The following NEURL1 variants were observed in gnomAD, a reference collection of about 807,000 sequenced individuals.
NEURL1 encodes the protein E3 ubiquitin-protein ligase NEURL1.
A neutral mutation model predicts 41.2 loss-of-function variants in NEURL1; 26 were observed. The observed-to-expected ratio is 0.63, with a 90% CI of 0.46 to 0.87. The LOEUF (loss-of-function observed/expected upper bound fraction) is 0.87, where lower values mean the gene tolerates loss of function less well. Ranked by LOEUF, NEURL1 falls within the 40% of genes least tolerant of loss-of-function variation. The pLI, the probability that NEURL1 is intolerant of heterozygous loss-of-function variation, is 0.00. For synonymous variants in NEURL1, 400 were observed against 402.3 expected, an observed-to-expected ratio of 0.99 and a Z score of 0.07; for missense variants, 761 against 871.1, an observed-to-expected ratio of 0.87 and a Z score of 1.59.
At chr10:103,536,631 A>G (rs2208322) in intron 1 of NEURL1, among the ~76,000 whole-genome samples, 71,902 of 151,898 alleles carry the variant, frequency 0.47, 18,872 homozygotes, top group African/African-American at 0.71. Context: ...GGGGAGGAGC[A>G]CTAGCGGGTT....
intron 1 of NEURL1, among the ~76,000 whole-genome samples, chr10:103,524,229 G>A (rs978591392): frequency 6.6e-6 from 1 of 152,086 alleles, no homozygotes; most frequent in African/African-American, 2.4e-5. Flanking sequence ...TGTTGGTTTT[G>A]TCTGCATTCT....
chr10:103,509,050 G>A (rs2034010116), intron 1 of NEURL1, among the ~76,000 whole-genome samples: 1 of 152,146 alleles, frequency 6.6e-6, no homozygotes, highest in Non-Finnish European at 1.5e-5. Context: ...CCAACATGGC[G>A]AAAGCCCATC....
intron 1 of NEURL1, among the ~76,000 whole-genome samples, chr10:103,497,542 T>C (rs2033713592): frequency 6.6e-6 from 1 of 152,114 alleles, no homozygotes; most frequent in Admixed American, 6.6e-5. Context: ...CTAAGATTGG[T>C]CTGGCTGTTA....
In NEURL1 at chr10:103,494,346, C is replaced by A. The variant is rs547451737; in HGVS notation, c.-42C>A. On this transcript the variant is annotated 5_prime_UTR_variant, in exon 1 of 6. Coordinates refer to ENST00000369780, the MANE Select transcript of NEURL1 (RefSeq NM_004210.5). ...CCGCACCTCAGCGCCTGCCCGGCCT[C>A]GCCCCCACCCGCGAGCGCCGAACCT... 6 of 1,515,734 alleles carry A rather than the reference C, an allele frequency of 4.0e-6. No individual in the cohort carries two copies. In the African/African-American group the frequency reaches 8.4e-5, roughly 21 times the overall value. The allele number at this position is 1,515,734 out of a possible 1,614,324, so 93.9% of individuals were successfully genotyped here. A position where few individuals can be genotyped will look rare whatever the true frequency, so the allele number is the denominator to read the frequency against.
Position 103,584,906 on chromosome 10 carries a change from C to G in NEURL1, c.1020C>G (p.Val340=). The change falls in exon 4 of 6, where the codon GTC becomes GTG. Residue 340 remains valine (V), a synonymous_variant. Transcript: ENST00000369780. The part of the protein sequence containing the change: ...RPVRVAETIF[V]KVTRSGGARP... Reference sequence around the variant, plus strand: ...TGCGCGTGGCCGAGACCATCTTCGTCAAGGTCACGCGCTCGGGTGGCGCGC... The same window carrying G: ...TGCGCGTGGCCGAGACCATCTTCGTGAAGGTCACGCGCTCGGGTGGCGCGC... The G allele has an allele frequency of 6.8e-7, 1 of 1,468,726 alleles. No individual in the cohort carries two copies. The highest frequency in any genetic ancestry group is 8.9e-7 in the Non-Finnish European group (1 of 1,118,138). 91.0% of individuals were successfully genotyped at this position (1,468,726 alleles called of 1,614,324 possible). A position where few individuals can be genotyped will look rare whatever the true frequency, so the allele number is the denominator to read the frequency against.
At chr10:103,551,885 C>T (rs1220751049) in intron 1 of NEURL1, among the ~76,000 whole-genome samples, 1 of 152,248 alleles carries the variant, frequency 6.6e-6, no homozygotes, top group African/African-American at 2.4e-5. Flanking sequence ...TTCTGTTTCA[C>T]TCAAGTGGCC....
chr10:103,584,625 C>A lies in NEURL1; in HGVS notation c.739C>A (p.Arg247Ser). ...GCTGCGGCGCGAGGCGGACGACGCGCGCCTCTCGGTGAGCCTATGCGACCT... is the reference window on the plus strand; with the variant it reads ...GCTGCGGCGCGAGGCGGACGACGCGAGCCTCTCGGTGAGCCTATGCGACCT... The part of the protein sequence containing the change: ...PSLRREADDA[R>S]LSVSLCDLNV... Residue 247 changes from arginine (R) to serine (S), a missense_variant, in exon 4 of 6, where the codon CGC (arginine) becomes AGC (serine). Coordinates refer to ENST00000369780, the MANE Select transcript of NEURL1 (RefSeq NM_004210.5). 7.0e-7 allele frequency: 1 copy of A among 1,424,314 alleles called. No individual in the cohort carries two copies. Among genetic ancestry groups the A allele is most frequent in the Admixed American group, 3.1e-5 (1 of 32,436 alleles). 88.2% of individuals were successfully genotyped at this position (1,424,314 alleles called of 1,614,324 possible).
At chr10:103,580,227 C>T (rs2035757620) in intron 3 of NEURL1, among the ~76,000 whole-genome samples, 1 of 152,212 alleles carries the variant, frequency 6.6e-6, no homozygotes, top group African/African-American at 2.4e-5. Context: ...GAGCTGAAGA[C>T]TGACAGGTTC....
intron 1 of NEURL1, among the ~76,000 whole-genome samples, chr10:103,533,990 G>C (rs2034639004): frequency 6.6e-6 from 1 of 152,012 alleles, no homozygotes; most frequent in Middle Eastern, 3.2e-3. Flanking sequence ...TACCTTTCAA[G>C]TTCAGAGAAT....
At position 103,592,343 on chromosome 10, in the gene NEURL1, C is replaced by T. The variant is rs559130727; in HGVS notation, c.*1971C>T. Reference sequence around the variant, plus strand: ...GTCACTGTCCCACTATGGGTCTCCACTACCCAGTCACTGACCCTGGGAGAC... The same window carrying T: ...GTCACTGTCCCACTATGGGTCTCCATTACCCAGTCACTGACCCTGGGAGAC... On this transcript the variant is annotated 3_prime_UTR_variant, in exon 6 of 6. Coordinates refer to ENST00000369780, the MANE Select transcript of NEURL1 (RefSeq NM_004210.5). The surrounding 1 kb of genome is among the most constrained non-coding windows in gnomAD (Gnocchi z 4.8). 4 of 152,734 alleles carry T rather than the reference C, an allele frequency of 2.6e-5. No individual in the cohort carries two copies. The highest frequency in any genetic ancestry group is 9.6e-5 in the African/African-American group (4 of 41,538). The allele number at this position is 152,734 out of a possible 1,614,324, so 9.5% of individuals were successfully genotyped here.
chr10:103,581,205 A>C (rs2035777941), intron 3 of NEURL1, among the ~76,000 whole-genome samples: 2 of 152,180 alleles, frequency 1.3e-5, no homozygotes, highest in Non-Finnish European at 2.9e-5. Flanking sequence ...GGCTGGGAGG[A>C]AGGTTGCTTA....
intron 1 of NEURL1, among the ~76,000 whole-genome samples, chr10:103,563,820 AG>A (rs1278567171): frequency 6.6e-6 from 1 of 152,218 alleles, no homozygotes; most frequent in Non-Finnish European, 1.5e-5. Context: ...CAGAGCTGCT[AG>A]GTTTGGAGGC....
intron 1 of NEURL1, among the ~76,000 whole-genome samples, chr10:103,507,278 G>A (rs1385437385): frequency 6.6e-6 from 1 of 152,308 alleles, no homozygotes; most frequent in African/African-American, 2.4e-5. Context: ...TGCTTAGAGT[G>A]TGACGCCTGA....
At position 103,584,825 on chromosome 10, in the gene NEURL1, GGCGCGCGTGGAGCACGGGCGCGACGA is replaced by G. The variant is rs1564833037; in HGVS notation, c.947_972del (p.Val316AlafsTer51). On this transcript the variant is annotated frameshift_variant, in exon 4 of 6. Coordinates refer to ENST00000369780, the MANE Select transcript of NEURL1 (RefSeq NM_004210.5). LOFTEE classifies it high-confidence loss of function. ...TCCGCATCCTCGACGAGCAGACGGT[GGCGCGCGTGGAGCACGGGCGCGACGA>G]GCGCGCGCTCGTCTTCACCAGCCGG... 1 of 1,415,722 alleles carries G rather than the reference GGCGCGCGTGGAGCACGGGCGCGACGA, an allele frequency of 7.1e-7. No homozygotes were observed. The highest frequency in any genetic ancestry group is 9.2e-7 in the Non-Finnish European group (1 of 1,092,586). The allele number at this position is 1,415,722 out of a possible 1,614,324, so 87.7% of individuals were successfully genotyped here.
chr10:103,591,064 T>C lies in NEURL1; in HGVS notation c.*692T>C, dbSNP rs1460961638. 2.0e-5 allele frequency: 3 copies of C among 153,046 alleles called. No homozygotes were observed. The highest frequency in any genetic ancestry group is 4.4e-5 in the Non-Finnish European group (3 of 68,356). 9.5% of individuals were successfully genotyped at this position (153,046 alleles called of 1,614,324 possible). A position where few individuals can be genotyped will look rare whatever the true frequency, so the allele number is the denominator to read the frequency against. Reference sequence around the variant, plus strand: ...TCTCTCCCACTACCTGATGGGCACATGGACAGGCTGCAGAGGGCTCCAGGT... The same window carrying C: ...TCTCTCCCACTACCTGATGGGCACACGGACAGGCTGCAGAGGGCTCCAGGT... On this transcript the variant is annotated 3_prime_UTR_variant, in exon 6 of 6. Transcript: ENST00000369780.
rs140287937 is a variant in NEURL1 at position 103,509,646 on chromosome 10, C to T, written c.85+15174C>T. 4.9e-3 allele frequency among the ~76,000 whole-genome samples: 746 copies of T among 152,292 alleles called. 9 individuals carry two copies. Among genetic ancestry groups the T allele is most frequent in the African/African-American group, 0.017 (697 of 41,562 alleles). On this transcript the variant is annotated intron_variant, in intron 1 of 5. Coordinates refer to ENST00000369780, the MANE Select transcript of NEURL1 (RefSeq NM_004210.5). Reference sequence around the variant, plus strand: ...TGTCATTGAACGAAATGTCATTGTGCGGCTCATTTCTGTATAAGAAGAGGC... The same window carrying T: ...TGTCATTGAACGAAATGTCATTGTGTGGCTCATTTCTGTATAAGAAGAGGC...
intron 1 of NEURL1, among the ~76,000 whole-genome samples, chr10:103,554,412 G>A (rs1210252729): frequency 1.3e-5 from 2 of 152,186 alleles, no homozygotes; most frequent in East Asian, 3.8e-4. Flanking sequence ...CCATGTATAT[G>A]CACATTTGTG....
At chr10:103,535,075 G>A (rs1312038649) in intron 1 of NEURL1, among the ~76,000 whole-genome samples, 1 of 152,160 alleles carries the variant, frequency 6.6e-6, no homozygotes, top group Non-Finnish European at 1.5e-5. Context: ...GATCCCAGGG[G>A]ATGAGGCATT....
At position 103,588,262 on chromosome 10, in the gene NEURL1, C is replaced by T. The variant is rs539551562; in HGVS notation, c.1340-1252C>T. ...TGGAGCTTGCAGTGAGCTGAGATTG[C>T]GCCACTGCACTCCAGCCTGGGCGAC... On this transcript the variant is annotated intron_variant, in intron 4 of 5. Transcript: ENST00000369780. Among the ~76,000 whole-genome samples, 42 of 149,390 alleles carry T rather than the reference C, an allele frequency of 2.8e-4. No individual in the cohort carries two copies. In the East Asian group the frequency reaches 7.3e-3, roughly 26 times the overall value.
Sources: allele counts gnomAD v4.1 joint callset (sites outside exome capture counted in the v4.1 genomes callset), GRCh38; gene constraint gnomAD v4.1.1; non-coding constraint Gnocchi (gnomAD v3.1); transcripts MANE v1.5; gene names NCBI Gene and HGNC (gene_info 2026-07-23, HGNC 2026-07-21).